Variants in SNW1 observed in about 807,000 individuals in gnomAD.
SNW1 encodes the protein SNW domain containing 1, also known as SNW domain-containing protein 1.
In SNW1, 9 loss-of-function variants were observed where a neutral mutation model predicts 75.6. That is an observed-to-expected ratio of 0.12 (90% CI 0.07 to 0.21). SNW1 has a LOEUF of 0.21. SNW1 is among the 10% of genes least tolerant of loss of function. The pLI is 1.00. For missense variants in SNW1, 409 were observed against 670.9 expected (o/e 0.61, Z 4.31); for synonymous variants, 200 against 219.1 (o/e 0.91, Z 0.77).
At chr14:77,727,078 A>G (rs176974) in intron 10 of SNW1, among the ~76,000 whole-genome samples, 152,047 of 152,050 alleles carry the variant, frequency 1, 76,022 homozygotes, top group Middle Eastern at 1. Context: ...TTTTGAGATG[A>G]AGTCTTGCTT....
chr14:77,756,773 G>A (rs553974681), intron 1 of SNW1, among the ~76,000 whole-genome samples: 6 of 152,260 alleles, frequency 3.9e-5, no homozygotes, highest in Admixed American at 3.9e-4. Context: ...ATCCCACTCG[G>A]GAGGCTGAGG....
intron 1 of SNW1, among the ~76,000 whole-genome samples, chr14:77,757,342 G>C (rs1358815452): frequency 6.6e-6 from 1 of 152,166 alleles, no homozygotes; most frequent in Non-Finnish European, 1.5e-5. Flanking sequence ...GGAGGTAAGT[G>C]ATGGCTAGGC....
chr14:77,749,659 C>CG lies in SNW1; in HGVS notation c.330+1659dup, dbSNP rs2080791678. Reference sequence around the variant, plus strand: ...GCAGGCGCCTGTAGTCCCAGCTACTCGGGGGGCTGACATACGATGATCGCC... The same window carrying CG: ...GCAGGCGCCTGTAGTCCCAGCTACTCGGGGGGGCTGACATACGATGATCGCC... On this transcript the variant is annotated intron_variant, in intron 3 of 13. Transcript: ENST00000261531. Among the ~76,000 whole-genome samples, 5 of 152,038 alleles carry CG rather than the reference C, an allele frequency of 3.3e-5. No individual in the cohort carries two copies. In the South Asian group the frequency reaches 1.0e-3, roughly 32 times the overall value.
intron 8 of SNW1, among the ~76,000 whole-genome samples, chr14:77,733,561 T>C (rs2080643959): frequency 1.3e-5 from 2 of 151,788 alleles, no homozygotes; most frequent in South Asian, 2.1e-4. Context: ...CCTGGCAACA[T>C]GGTGAAACCC....
At chr14:77,751,530 C>A in intron 2 of SNW1, 50 bp from the exon 3 acceptor site, 1 of 1,415,662 alleles carries the variant, frequency 7.1e-7, no homozygotes, top group Non-Finnish European at 9.7e-7. Flanking sequence ...ATTTGACATT[C>A]AAGATATATT....
intron 3 of SNW1, among the ~76,000 whole-genome samples, chr14:77,748,275 A>AAGGCCGGG (rs1394094270): frequency 2.6e-5 from 4 of 152,148 alleles, no homozygotes; most frequent in Non-Finnish European, 5.9e-5. Flanking sequence ...AACACTGCGG[A>AAGGCCGGG]AGGCCGCAGG....
chr14:77,724,625 C>T (rs895642122), intron 10 of SNW1, among the ~76,000 whole-genome samples: 5 of 152,162 alleles, frequency 3.3e-5, no homozygotes, highest in Admixed American at 6.6e-5. Flanking sequence ...TTTTCTGTGC[C>T]GGGCTTATTC....
At chr14:77,737,708 G>A (rs1448310408) in intron 5 of SNW1, among the ~76,000 whole-genome samples, 1 of 152,072 alleles carries the variant, frequency 6.6e-6, no homozygotes, top group Admixed American at 6.6e-5. Flanking sequence ...AAATAGCATA[G>A]GGCCAGGCCG....
intron 3 of SNW1, among the ~76,000 whole-genome samples, chr14:77,747,489 C>T (rs912518270): frequency 4.0e-5 from 6 of 151,666 alleles, no homozygotes; most frequent in African/African-American, 9.7e-5. Context: ...TCTGCCCGGC[C>T]GCCCATCGTC....
chr14:77,742,273 C>A (rs915349353), intron 3 of SNW1, among the ~76,000 whole-genome samples: 1 of 151,912 alleles, frequency 6.6e-6, no homozygotes, highest in African/African-American at 2.4e-5. Context: ...TGACCTCAGG[C>A]GATCCACCCG....
At chr14:77,755,613 T>C (rs2080837333) in intron 1 of SNW1, among the ~76,000 whole-genome samples, 1 of 151,984 alleles carries the variant, frequency 6.6e-6, no homozygotes, top group African/African-American at 2.4e-5. Context: ...GAGATGGGGT[T>C]TCACCATGTT....
chr14:77,718,802 C>T (rs769668447), intron 12 of SNW1, among the ~76,000 whole-genome samples: 2 of 152,030 alleles, frequency 1.3e-5, no homozygotes, highest in Non-Finnish European at 2.9e-5. Context: ...GCCACCGCCT[C>T]CCAGTTCCAG....
intron 10 of SNW1, 85 bp from the exon 11 acceptor site, chr14:77,723,362 T>A (rs576800131): frequency 1.5e-4 from 160 of 1,045,172 alleles, no homozygotes; most frequent in Non-Finnish European, 2.0e-4. Flanking sequence ...TATAATTTTT[T>A]AAAAAGAGAC....
At chr14:77,761,085 C>T (rs766740928) in intron 1 of SNW1, 29 bp downstream of exon 1, 2 of 1,614,254 alleles carry the variant, frequency 1.2e-6, no homozygotes, top group South Asian at 1.1e-5. Flanking sequence ...CAGACCCTTC[C>T]GTATCGAGGA....
intron 1 of SNW1, chr14:77,760,507 G>A (rs1477264): frequency 0.49 from 296,136 of 608,218 alleles, 74,313 homozygotes; most frequent in East Asian, 0.69. Context: ...AAGGTAACCG[G>A]AAACAGCAAA....
At chr14:77,729,484 C>A (rs1595078041) in intron 10 of SNW1, among the ~76,000 whole-genome samples, 1 of 152,106 alleles carries the variant, frequency 6.6e-6, no homozygotes, top group South Asian at 2.1e-4. Flanking sequence ...CATGCCCATT[C>A]CACAGTATTC....
chr14:77,738,730 C>T, intron 5 of SNW1, 48 bp downstream of exon 5: 3 of 1,402,352 alleles, frequency 2.1e-6, no homozygotes, highest in Non-Finnish European at 3.0e-6. Flanking sequence ...ACCCCCCAAG[C>T]TGAATCAAGT....
At chr14:77,723,346 T>C (rs541281302) in intron 10 of SNW1, 69 bp from the exon 11 acceptor site, 76 of 1,159,172 alleles carry the variant, frequency 6.6e-5, no homozygotes, top group Non-Finnish European at 8.9e-5. Flanking sequence ...TACACGTGTG[T>C]ATATATATAA....
At chr14:77,736,104 CAT>C in intron 6 of SNW1, 98 bp from the exon 7 acceptor site, 6 of 828,212 alleles carry the variant, frequency 7.2e-6, no homozygotes, top group Non-Finnish European at 1.2e-5. Flanking sequence ...AAGTTTCAAA[CAT>C]AGACAAAAAC....
Sources: gnomAD v4.1 joint callset for allele counts (sites outside exome capture counted in the v4.1 genomes callset) on GRCh38, gnomAD v4.1.1 for gene constraint, MANE v1.5 for transcripts, NCBI Gene and HGNC (gene_info 2026-07-23, HGNC 2026-07-21) for gene names.